IL1RAPL1: variants seen among roughly 807,000 people sequenced by gnomAD.
IL1RAPL1 encodes the protein interleukin 1 receptor accessory protein like 1.
Under a neutral mutation model 48.4 loss-of-function variants are expected in IL1RAPL1, and 3 were observed. That is an observed-to-expected ratio of 0.06 (90% CI 0.03 to 0.16). The LOEUF (loss-of-function observed/expected upper bound fraction) is 0.16, where lower values mean the gene tolerates loss of function less well. Ranked by LOEUF, IL1RAPL1 falls within the 10% of genes least tolerant of loss-of-function variation. The probability of loss-of-function intolerance (pLI) is 1.00; values close to 1 mark genes in which losing one functional copy is unlikely to be tolerated. For synonymous variants in IL1RAPL1, 185 were observed against 187.7 expected (o/e 0.99, Z 0.12); for missense variants, 349 against 530.6 (o/e 0.66, Z 3.36).
intron 5 of IL1RAPL1, among the ~76,000 whole-genome samples, chrX:29,584,385 T>C (rs984604475): frequency 6.3e-5 from 7 of 111,501 alleles, no homozygotes; most frequent in African/African-American, 2.3e-4. Context: ...TATATTTAAC[T>C]CCTTATTATC....
intron 5 of IL1RAPL1, among the ~76,000 whole-genome samples, chrX:29,555,905 A>C (rs4829104): frequency 9.0e-6 from 1 of 111,100 alleles, no homozygotes; most frequent in Non-Finnish European, 1.9e-5. Flanking sequence ...AATGTGCACT[A>C]TGCAAACAAG....
intron 1 of IL1RAPL1, among the ~76,000 whole-genome samples, chrX:28,733,855 T>G (rs112904680): frequency 8.9e-6 from 1 of 111,879 alleles, no homozygotes; most frequent in African/African-American, 3.2e-5. Flanking sequence ...ACTCAAGATT[T>G]TCACTGAAAG....
chrX:29,225,233 T>C lies in IL1RAPL1; in HGVS notation c.83-57705T>C, dbSNP rs763953927. On this transcript the variant is annotated intron_variant, in intron 2 of 10. Coordinates refer to ENST00000378993, the MANE Select transcript of IL1RAPL1 (RefSeq NM_014271.4). ...ATAAGAAATACTCAAATAATTGAAA[T>C]AGGAATATTTTTATTATTATGTCAT... is the stretch of plus-strand genomic sequence containing the variant. Among the ~76,000 whole-genome samples the C allele has an allele frequency of 3.6e-5, 4 of 112,366 alleles. No homozygotes were observed. The South Asian group carries it at 1.5e-3, about 41-fold the overall frequency.
chrX:29,376,848 G>C (rs1470587747), intron 3 of IL1RAPL1, among the ~76,000 whole-genome samples: 2 of 112,084 alleles, frequency 1.8e-5, no homozygotes, highest in Admixed American at 9.5e-5. Context: ...AGAATGTATA[G>C]TCTATGGTTG....
At chrX:29,349,124 A>G (rs1602187494) in intron 3 of IL1RAPL1, among the ~76,000 whole-genome samples, 1 of 112,583 alleles carries the variant, frequency 8.9e-6, no homozygotes, top group East Asian at 2.8e-4. Flanking sequence ...TCAACAAAGT[A>G]TAGACAGCCA....
chrX:29,310,038 G>C (rs1932688045), intron 3 of IL1RAPL1, among the ~76,000 whole-genome samples: 1 of 89,526 alleles, frequency 1.1e-5, no homozygotes, highest in Admixed American at 1.5e-4. Context: ...AGCTTGCAGT[G>C]AGCCGAGATT....
chrX:28,916,877 A>G (rs1923501378), intron 2 of IL1RAPL1, among the ~76,000 whole-genome samples: 1 of 112,278 alleles, frequency 8.9e-6, no homozygotes, highest in Admixed American at 9.5e-5. Context: ...TTTCTATTCT[A>G]GGAATCTTTT....
Position 28,683,044 on chromosome X carries a change from G to A in IL1RAPL1, c.-25+94997G>A, listed in dbSNP as rs190775109. Among the ~76,000 whole-genome samples the A allele has an allele frequency of 7.5e-3, 842 of 112,011 alleles. 6 individuals are homozygous for A. The highest frequency in any genetic ancestry group is 0.014 in the Middle Eastern group (3 of 215). ...TTTCGAATCTTGAAGCTGAGGATGG[G>A]CTTTAAAGGAATCATCATGATGAGA... On this transcript the variant is annotated intron_variant, in intron 1 of 10. Transcript: ENST00000378993.
intron 5 of IL1RAPL1, among the ~76,000 whole-genome samples, chrX:29,613,964 C>T (rs1034558511): frequency 9.2e-6 from 1 of 108,758 alleles, no homozygotes; most frequent in Admixed American, 9.9e-5. Context: ...AGGGTTTCAC[C>T]ATGTTAGCCA....
chrX:29,891,275 A>G (rs931338572), intron 6 of IL1RAPL1, among the ~76,000 whole-genome samples: 3 of 112,541 alleles, frequency 2.7e-5, no homozygotes, highest in Non-Finnish European at 3.7e-5. Context: ...AGAATAAGGC[A>G]CACCTTTGCT....
intron 1 of IL1RAPL1, among the ~76,000 whole-genome samples, chrX:28,720,961 A>G (rs1935567856): frequency 8.9e-6 from 1 of 112,262 alleles, no homozygotes; most frequent in South Asian, 3.7e-4. Context: ...TCCATGGTGT[A>G]TATGTGCCAC....
At chrX:28,716,154 C>A (rs1935501924) in intron 1 of IL1RAPL1, among the ~76,000 whole-genome samples, 1 of 111,861 alleles carries the variant, frequency 8.9e-6, no homozygotes, top group Non-Finnish European at 1.9e-5. Context: ...GTTAAAAACT[C>A]ACAATAAACT....
intron 5 of IL1RAPL1, among the ~76,000 whole-genome samples, chrX:29,619,893 A>C (rs1444999746): frequency 1.8e-5 from 2 of 111,839 alleles, no homozygotes; most frequent in Non-Finnish European, 3.8e-5. Context: ...TCATATTGAT[A>C]TTATTTTGTA....
chrX:29,336,721 G>C (rs1307523718), intron 3 of IL1RAPL1, among the ~76,000 whole-genome samples: 1 of 111,490 alleles, frequency 9.0e-6, no homozygotes, highest in East Asian at 2.8e-4. Flanking sequence ...AAAAGGGTAT[G>C]ATCTAGTGTT....
chrX:29,221,610 TACACACACATACACACACACACACACAC>T (rs1477274693), intron 2 of IL1RAPL1, among the ~76,000 whole-genome samples: 5 of 61,808 alleles, frequency 8.1e-5, no homozygotes, highest in Non-Finnish European at 9.3e-5. Flanking sequence ...GAGCAATGTA[TACACACACATACACACACACACACACAC>T]ACACACACAC....
At chrX:29,949,565 A>C (rs960127010) in intron 9 of IL1RAPL1, among the ~76,000 whole-genome samples, 2 of 112,359 alleles carry the variant, frequency 1.8e-5, no homozygotes, top group African/African-American at 6.5e-5. Context: ...TTGATGCTTA[A>C]ATTGCAGAGG....
At chrX:28,951,472 TG>T (rs1924464779) in intron 2 of IL1RAPL1, among the ~76,000 whole-genome samples, 1 of 109,857 alleles carries the variant, frequency 9.1e-6, no homozygotes, top group South Asian at 3.8e-4. Context: ...CATAGAAAAT[TG>T]TTTTACAATT....
chrX:29,171,785 A>G (rs1182475547), intron 2 of IL1RAPL1, among the ~76,000 whole-genome samples: 4 of 110,459 alleles, frequency 3.6e-5, no homozygotes, highest in Non-Finnish European at 7.5e-5. Context: ...TATCATGTCT[A>G]TGTTTCTAAA....
At chrX:29,236,622 T>G (rs1359710833) in intron 2 of IL1RAPL1, among the ~76,000 whole-genome samples, 1 of 90,069 alleles carries the variant, frequency 1.1e-5, no homozygotes, top group East Asian at 3.7e-4. Context: ...GTGCGATCTC[T>G]GCTCACTGCA....
Sources: allele counts gnomAD v4.1 joint callset (sites outside exome capture counted in the v4.1 genomes callset), GRCh38; gene constraint gnomAD v4.1.1; transcripts MANE v1.5; gene names NCBI Gene and HGNC (gene_info 2026-07-23, HGNC 2026-07-21).